TMEM232: variants seen among roughly 807,000 people sequenced by gnomAD.
TMEM232 encodes the protein transmembrane protein 232.
Under a neutral mutation model 78.8 loss-of-function variants are expected in TMEM232, and 80 were observed. That is an observed-to-expected ratio of 1.01 (90% CI 0.85 to 1.22). The LOEUF (loss-of-function observed/expected upper bound fraction) is 1.22. Ranked by LOEUF, TMEM232 falls within the 50% of genes most tolerant of loss-of-function variation. The probability of loss-of-function intolerance (pLI) is 0.00; values close to 1 mark genes in which losing one functional copy is unlikely to be tolerated. For missense variants in TMEM232, 881 were observed against 742.2 expected, an observed-to-expected ratio of 1.19 and a Z score of -2.17; for synonymous variants, 297 against 254.3, an observed-to-expected ratio of 1.17 and a Z score of -1.60.
At chr5:110,699,097 A>C (rs1051043222) in intron 1 of TMEM232, among the ~76,000 whole-genome samples, 36 of 152,080 alleles carry the variant, frequency 2.4e-4, no homozygotes, top group Non-Finnish European at 4.7e-4. Context: ...AACAAACAAA[A>C]AAAGCAGGTA....
At chr5:110,390,146 C>T (rs1344509356) in intron 4 of TMEM232, among the ~76,000 whole-genome samples, 2 of 152,210 alleles carry the variant, frequency 1.3e-5, no homozygotes, top group East Asian at 3.8e-4. Context: ...CACCCTCTTT[C>T]CCTCACTTTC....
chr5:110,631,702 C>T (rs1417583421), intron 5 of TMEM232, among the ~76,000 whole-genome samples: 1 of 152,164 alleles, frequency 6.6e-6, no homozygotes, highest in African/African-American at 2.4e-5. Flanking sequence ...CACTACAGTG[C>T]TGCTACAACT....
intron 2 of TMEM232, among the ~76,000 whole-genome samples, chr5:110,734,451 A>G (rs1218381980): frequency 6.6e-6 from 1 of 152,262 alleles, no homozygotes; most frequent in African/African-American, 2.4e-5. Context: ...AAAGGGCAGG[A>G]AAGTCCACTC....
At chr5:110,637,639 T>C (rs1252870905) in intron 5 of TMEM232, among the ~76,000 whole-genome samples, 12 of 151,966 alleles carry the variant, frequency 7.9e-5, no homozygotes. Flanking sequence ...TTCTTTGCAG[T>C]AAAACCATTA....
In TMEM232 at chr5:110,504,530, T is replaced by C. The variant is rs371269634; in HGVS notation, c.1703+24058A>G. Among the ~76,000 whole-genome samples the C allele has an allele frequency of 9.2e-5, 14 of 152,348 alleles. 1 individual carries two copies. The highest frequency in any genetic ancestry group is 6.5e-4 in the Admixed American group (10 of 15,298). On this transcript the variant is annotated intron_variant, in intron 12 of 13. Transcript: ENST00000455884. ...CTCATGTGATTGTAGAGGCTGCTGA[T>C]AATTCCCAAGATCTGCAGTTGGCAA... is the stretch of plus-strand genomic sequence containing the variant.
chr5:110,410,679 G>A (rs552925749), intron 2 of TMEM232, among the ~76,000 whole-genome samples: 2 of 152,196 alleles, frequency 1.3e-5, no homozygotes, highest in East Asian at 1.9e-4. Flanking sequence ...TGAGAACTAC[G>A]TGCCAGGTAT....
At chr5:110,496,204 AAGTT>A (rs1250601293) in intron 12 of TMEM232, among the ~76,000 whole-genome samples, 6 of 151,880 alleles carry the variant, frequency 4.0e-5, no homozygotes, top group Admixed American at 2.0e-4. Context: ...CATGTGCTGA[AAGTT>A]AGGTATACTG....
chr5:110,469,890 C>T (rs1245157308), intron 12 of TMEM232, among the ~76,000 whole-genome samples: 1 of 152,168 alleles, frequency 6.6e-6, no homozygotes, highest in Non-Finnish European at 1.5e-5. Flanking sequence ...CACTCTGCTT[C>T]CCTGAAGTTG....
chr5:110,737,198 T>A (rs1350009001), intron 1 of TMEM232, among the ~76,000 whole-genome samples: 1 of 152,208 alleles, frequency 6.6e-6, no homozygotes, highest in Admixed American at 6.5e-5. Context: ...CTTAAAATAG[T>A]ATCTGACACG....
chr5:110,720,628 T>C (rs905669487), intron 1 of TMEM232: 10 of 152,262 alleles, frequency 6.6e-5, no homozygotes, highest in Middle Eastern at 3.4e-3. Context: ...GCCTTCAGGA[T>C]TTTTTTCCCA....
chr5:110,480,443 G>T (rs969734385), intron 12 of TMEM232, among the ~76,000 whole-genome samples: 6 of 152,088 alleles, frequency 3.9e-5, no homozygotes, highest in African/African-American at 1.2e-4. Flanking sequence ...AATAAACAGA[G>T]AGTTCATATT....
chr5:110,655,070 A>C (rs1398674243), intron 2 of TMEM232, among the ~76,000 whole-genome samples: 4 of 152,118 alleles, frequency 2.6e-5, no homozygotes, highest in African/African-American at 7.2e-5. Context: ...TAATTAAACT[A>C]AAGAGCTTCT....
At chr5:110,472,297 T>C (rs1386584156) in intron 12 of TMEM232, among the ~76,000 whole-genome samples, 1 of 151,768 alleles carries the variant, frequency 6.6e-6, no homozygotes, top group Non-Finnish European at 1.5e-5. Flanking sequence ...CCATTCACAA[T>C]AACTACAAAA....
In TMEM232 at chr5:110,629,004, T is replaced by C. The variant is rs564739122; in HGVS notation, c.502-1124A>G. On this transcript the variant is annotated intron_variant, in intron 5 of 13. Coordinates refer to ENST00000455884, the MANE Select transcript of TMEM232 (RefSeq NM_001039763.4). Reference sequence around the variant, plus strand: ...ATTCATAAAGTATAAACATACACCATTTGTAGACTTATGAAGTATGTAAAA... The same window carrying C: ...ATTCATAAAGTATAAACATACACCACTTGTAGACTTATGAAGTATGTAAAA... The C allele has an allele frequency of 2.0e-5, 3 of 152,180 alleles. No individual in the cohort carries two copies. In the East Asian group the frequency reaches 5.8e-4, roughly 29 times the overall value. 9.4% of individuals were successfully genotyped at this position (152,180 alleles called of 1,614,324 possible). A position where few individuals can be genotyped will look rare whatever the true frequency, so the allele number is the denominator to read the frequency against.
At chr5:110,579,727 C>T (rs1451915177) in intron 10 of TMEM232, among the ~76,000 whole-genome samples, 3 of 151,480 alleles carry the variant, frequency 2.0e-5, no homozygotes, top group East Asian at 1.9e-4. Context: ...CAAACACAAA[C>T]ACATACACAC....
At chr5:110,704,135 G>T (rs1228027713) in intron 1 of TMEM232, among the ~76,000 whole-genome samples, 1 of 152,056 alleles carries the variant, frequency 6.6e-6, no homozygotes, top group Non-Finnish European at 1.5e-5. Flanking sequence ...ACAGTGCACT[G>T]CTGAGCAATA....
chr5:110,647,672 T>C (rs530548688), intron 2 of TMEM232, among the ~76,000 whole-genome samples: 5 of 151,966 alleles, frequency 3.3e-5, no homozygotes, highest in Non-Finnish European at 7.4e-5. Context: ...TAAAGTTCAA[T>C]TGATCTTAAT....
intron 2 of TMEM232, among the ~76,000 whole-genome samples, chr5:110,405,252 G>T (rs1755742660): frequency 6.6e-6 from 1 of 152,084 alleles, no homozygotes; most frequent in African/African-American, 2.4e-5. Flanking sequence ...TGATTATAAA[G>T]ATTCTGAATG....
intron 12 of TMEM232, among the ~76,000 whole-genome samples, chr5:110,485,845 G>A (rs1161391387): frequency 6.6e-6 from 1 of 151,530 alleles, no homozygotes; most frequent in Admixed American, 6.6e-5. Context: ...TGGTGAGATT[G>A]TTGGATCAAA....
Sources: allele counts gnomAD v4.1 joint callset (sites outside exome capture counted in the v4.1 genomes callset), GRCh38; gene constraint gnomAD v4.1.1; transcripts MANE v1.5; gene names NCBI Gene and HGNC (gene_info 2026-07-23, HGNC 2026-07-21).